SDCCAG8: variants seen among roughly 807,000 people sequenced by gnomAD.
The protein encoded by SDCCAG8 is SHH signaling and ciliogenesis regulator SDCCAG8.
Under a neutral mutation model 101.8 loss-of-function variants are expected in SDCCAG8, and 74 were observed. The ratio of observed to expected loss-of-function variants is 0.73; its 90% CI spans 0.60 to 0.88. The LOEUF (loss-of-function observed/expected upper bound fraction) is 0.88, where lower values mean the gene tolerates loss of function less well. Ranked by LOEUF, SDCCAG8 falls within the 40% of genes least tolerant of loss-of-function variation. The pLI, the probability that SDCCAG8 is intolerant of heterozygous loss-of-function variation, is 0.00. For missense variants in SDCCAG8, 787 were observed against 822.6 expected (o/e 0.96, Z 0.53); for synonymous variants, 281 against 292.9 (o/e 0.96, Z 0.41).
At chr1:243,417,918 G>T (rs1457826398) in intron 14 of SDCCAG8, 50 bp from the exon 15 acceptor site, 1 of 1,360,288 alleles carries the variant, frequency 7.4e-7, no homozygotes, top group South Asian at 1.2e-5. Flanking sequence ...GCACTGCAGA[G>T]CGACAACCAT....
At chr1:243,274,505 A>G (rs772141619) in intron 3 of SDCCAG8, 38 bp from the exon 4 acceptor site, 2 of 1,207,594 alleles carry the variant, frequency 1.7e-6, no homozygotes, top group Non-Finnish European at 1.2e-6. Flanking sequence ...TTTAAAATTT[A>G]TGTATTTATG....
intron 12 of SDCCAG8, among the ~76,000 whole-genome samples, chr1:243,345,385 G>A (rs1448500258): frequency 1.3e-5 from 2 of 152,082 alleles, no homozygotes; most frequent in African/African-American, 2.4e-5. Context: ...ACTATATTTG[G>A]TGTTGTAATG....
chr1:243,287,023 T>C (rs73118320), intron 5 of SDCCAG8, among the ~76,000 whole-genome samples: 8,200 of 152,232 alleles, frequency 0.054, 747 homozygotes, highest in African/African-American at 0.18. Flanking sequence ...CTGGTTGGCT[T>C]CTAGGAATCT....
At chr1:243,383,879 C>CT (rs2078106147) in intron 13 of SDCCAG8, among the ~76,000 whole-genome samples, 1 of 152,122 alleles carries the variant, frequency 6.6e-6, no homozygotes, top group South Asian at 2.1e-4. Flanking sequence ...CATAGCTCCC[C>CT]TTTTTCCCTC....
intron 8 of SDCCAG8, among the ~76,000 whole-genome samples, chr1:243,312,280 A>G (rs1357415624): frequency 1.3e-5 from 2 of 152,216 alleles, no homozygotes; most frequent in African/African-American, 4.8e-5. Flanking sequence ...TTTAACATGG[A>G]ATGTTTAAAA....
intron 12 of SDCCAG8, among the ~76,000 whole-genome samples, chr1:243,372,856 G>C (rs1254329894): frequency 6.9e-6 from 1 of 145,944 alleles, no homozygotes; most frequent in African/African-American, 2.5e-5. Context: ...AAATTATCTG[G>C]GTATGGTGAC....
chr1:243,301,171 C>A (rs1235940644), intron 6 of SDCCAG8, among the ~76,000 whole-genome samples: 1 of 152,088 alleles, frequency 6.6e-6, no homozygotes, highest in Non-Finnish European at 1.5e-5. Flanking sequence ...ATTATAACAG[C>A]ATAAAGTAAA....
At chr1:243,450,655 T>TTTTG (rs1202157397) in intron 16 of SDCCAG8, among the ~76,000 whole-genome samples, 3 of 152,000 alleles carry the variant, frequency 2.0e-5, no homozygotes, top group African/African-American at 7.3e-5. Context: ...TATAACCTGG[T>TTTTG]TTTGTTTGTT....
intron 5 of SDCCAG8, among the ~76,000 whole-genome samples, chr1:243,287,511 C>G (rs2069748676): frequency 6.6e-6 from 1 of 151,552 alleles, no homozygotes; most frequent in African/African-American, 2.4e-5. Context: ...TGTATTAACT[C>G]TGATAAATGA....
chr1:243,316,707 G>T (rs2073271951), intron 8 of SDCCAG8, 48 bp from the exon 9 acceptor site: 1 of 1,612,262 alleles, frequency 6.2e-7, no homozygotes, highest in South Asian at 1.1e-5. Context: ...TATGAGGACA[G>T]GATCGTTTGA....
chr1:243,494,502 C>T (rs929917479), intron 17 of SDCCAG8, among the ~76,000 whole-genome samples: 9 of 152,182 alleles, frequency 5.9e-5, no homozygotes, highest in African/African-American at 9.7e-5. Context: ...AAGCATCTCG[C>T]GACCTTCGGA....
intron 1 of SDCCAG8, among the ~76,000 whole-genome samples, chr1:243,264,960 T>G (rs1434549646): frequency 6.6e-6 from 1 of 152,164 alleles, no homozygotes; most frequent in Admixed American, 6.5e-5. Flanking sequence ...CCATTAGCAG[T>G]TGGATAGGAA....
chr1:243,311,444 A>AC (rs1452638138), intron 8 of SDCCAG8, among the ~76,000 whole-genome samples: 2 of 152,230 alleles, frequency 1.3e-5, no homozygotes, highest in Admixed American at 6.5e-5. Flanking sequence ...TTTAACAGAG[A>AC]TAACCACTAG....
intron 17 of SDCCAG8, among the ~76,000 whole-genome samples, chr1:243,497,354 A>C (rs1232630286): frequency 2.2e-5 from 3 of 137,774 alleles, no homozygotes; most frequent in Non-Finnish European, 4.7e-5. Flanking sequence ...GGGGGCGTTG[A>C]GCAGTGAACG....
chr1:243,360,685 G>A (rs1161059505), intron 12 of SDCCAG8, among the ~76,000 whole-genome samples: 3 of 152,024 alleles, frequency 2.0e-5, no homozygotes, highest in South Asian at 2.1e-4. Flanking sequence ...AGCCAGGCAC[G>A]GTGGCAGGTG....
At chr1:243,301,732 T>C (rs1032770878) in intron 6 of SDCCAG8, among the ~76,000 whole-genome samples, 1 of 152,034 alleles carries the variant, frequency 6.6e-6, no homozygotes, top group Non-Finnish European at 1.5e-5. Flanking sequence ...AAGAAAAGCA[T>C]ACCTGTAGAC....
intron 10 of SDCCAG8, among the ~76,000 whole-genome samples, chr1:243,334,411 GTTCCT>G (rs1558311004): frequency 6.6e-6 from 1 of 152,130 alleles, no homozygotes; most frequent in Non-Finnish European, 1.5e-5. Flanking sequence ...CCGGTCTTAT[GTTCCT>G]TCATTTTTCT....
At chr1:243,413,487 TGAGCCACC>T (rs2080332798) in intron 13 of SDCCAG8, among the ~76,000 whole-genome samples, 2 of 152,216 alleles carry the variant, frequency 1.3e-5, no homozygotes, top group African/African-American at 2.4e-5. Context: ...ATTACAGATG[TGAGCCACC>T]GTGCCTGACC....
At position 243,264,117 on chromosome 1, in the gene SDCCAG8, C is replaced by T. The variant is rs181256658; in HGVS notation, c.68-5988C>T. Among the ~76,000 whole-genome samples the T allele has an allele frequency of 1.4e-3, 218 of 152,310 alleles. 1 individual carries two copies. Among genetic ancestry groups the T allele is most frequent in the African/African-American group, 5.0e-3 (207 of 41,550 alleles). ...GCGCTTCGCAGGGAGTGGTCCCCCT[C>T]CCTGTCACCAGGGCAATTCTCTTTC... On this transcript the variant is annotated intron_variant, in intron 1 of 17. Coordinates refer to ENST00000366541, the MANE Select transcript of SDCCAG8 (RefSeq NM_006642.5).
Sources: gnomAD v4.1 joint callset for allele counts (sites outside exome capture counted in the v4.1 genomes callset) on GRCh38, gnomAD v4.1.1 for gene constraint, MANE v1.5 for transcripts, NCBI Gene and HGNC (gene_info 2026-07-23, HGNC 2026-07-21) for gene names.